STRA8: variants seen among roughly 807,000 people sequenced by gnomAD.
STRA8 encodes stimulated by retinoic acid 8.
STRA8 carries 18 observed loss-of-function variants against 37.1 expected under a neutral mutation model. The ratio of observed to expected loss-of-function variants is 0.48; its 90% CI spans 0.34 to 0.72. The LOEUF is 0.72. STRA8 is among the 30% of genes least tolerant of loss of function. The probability of loss-of-function intolerance (pLI) is 0.01; values close to 1 mark genes in which losing one functional copy is unlikely to be tolerated. For missense variants in STRA8, 357 were observed against 410.4 expected (o/e 0.87, Z 1.13); for synonymous variants, 168 against 162.9 (o/e 1.03, Z -0.24).
rs749247229 is a variant in STRA8, at chr7:135,255,252, C to T, written c.1065+27C>T. The T allele has an allele frequency of 2.6e-6, 4 of 1,554,352 alleles. No homozygotes were observed. The East Asian group carries it at 6.7e-5, about 26-fold the overall frequency. ...TAGGATGGAGTAGAGGGCCGTGGTA[C>T]CTCTGCCCACCTTGCTTAGATAGCA... On this transcript the variant is annotated intron_variant, in intron 8 of 8. Coordinates refer to ENST00000662584, the MANE Select transcript of STRA8 (RefSeq NM_001394401.1).
chr7:135,233,581 G>C (rs767096334), upstream of STRA8, among the ~76,000 whole-genome samples: 2 of 152,076 alleles, frequency 1.3e-5, no homozygotes, highest in African/African-American at 4.8e-5. Context: ...GCTGATTACT[G>C]ACGCGAGGGT....
chr7:135,240,109 C>T (rs1832438067), intron 1 of STRA8, among the ~76,000 whole-genome samples: 1 of 152,082 alleles, frequency 6.6e-6, no homozygotes, highest in African/African-American at 2.4e-5. Context: ...CTCTCCTTGG[C>T]CACGCGTAAA....
At chr7:135,242,086 AAAGG>A (rs1832473789) in intron 2 of STRA8, among the ~76,000 whole-genome samples, 1 of 144,572 alleles carries the variant, frequency 6.9e-6, no homozygotes, top group Non-Finnish European at 1.5e-5. Context: ...GGAAGGAAGG[AAAGG>A]AAGGGAGGGA....
intron 1 of STRA8, among the ~76,000 whole-genome samples, chr7:135,235,917 C>T (rs1385189424): frequency 1.3e-5 from 2 of 151,792 alleles, no homozygotes; most frequent in African/African-American, 2.4e-5. Context: ...AAGACCAACC[C>T]GGGCAACATA....
chr7:135,257,957 C>T (rs1384452054), intron 8 of STRA8, among the ~76,000 whole-genome samples: 1 of 152,218 alleles, frequency 6.6e-6, no homozygotes, highest in Non-Finnish European at 1.5e-5. Flanking sequence ...TAGTAGTAGC[C>T]TACGGTACAC....
In STRA8 at chr7:135,255,227, T is replaced by C; in HGVS notation, c.1065+2T>C. 2 of 1,610,168 alleles carry C rather than the reference T, an allele frequency of 1.2e-6. No individual in the cohort carries two copies. The highest frequency in any genetic ancestry group is 1.7e-6 in the Non-Finnish European group (2 of 1,176,522). ...TGTGCAAACACTCAAGTAAAGCAGG[T>C]AGGATGGAGTAGAGGGCCGTGGTAC... On this transcript the variant is annotated splice_donor_variant, in intron 8 of 8. Transcript: ENST00000662584. LOFTEE classifies it high-confidence loss of function.
chr7:135,255,016 G>C, intron 7 of STRA8, 98 bp from the exon 8 acceptor site: 2 of 950,284 alleles, frequency 2.1e-6, no homozygotes, highest in Non-Finnish European at 3.4e-6. Context: ...CATGTGCTTG[G>C]TTCATACTGT....
At chr7:135,238,109 G>A (rs1314771820) in intron 1 of STRA8, among the ~76,000 whole-genome samples, 2 of 152,196 alleles carry the variant, frequency 1.3e-5, no homozygotes, top group Non-Finnish European at 2.9e-5. Flanking sequence ...CTAATTAAGA[G>A]TAACATCTCC....
At chr7:135,255,964 C>T (rs374692404) in intron 8 of STRA8, among the ~76,000 whole-genome samples, 1 of 152,218 alleles carries the variant, frequency 6.6e-6, no homozygotes, top group Non-Finnish European at 1.5e-5. Flanking sequence ...TTGCTGTCAG[C>T]TTTTGAAGGA....
chr7:135,245,623 G>A (rs1450153918), intron 5 of STRA8, among the ~76,000 whole-genome samples, 96 bp downstream of exon 5: 1 of 152,160 alleles, frequency 6.6e-6, no homozygotes, highest in Non-Finnish European at 1.5e-5. Context: ...CTGCAGCTGT[G>A]TGCCCCAGCT....
chr7:135,257,212 T>C (rs1832715208), intron 8 of STRA8, among the ~76,000 whole-genome samples: 1 of 152,212 alleles, frequency 6.6e-6, no homozygotes, highest in South Asian at 2.1e-4. Context: ...ATTCATTAGA[T>C]GGTTGACTGG....
intron 6 of STRA8, among the ~76,000 whole-genome samples, chr7:135,250,322 A>G (rs1832619157): frequency 1.3e-5 from 2 of 152,110 alleles, no homozygotes; most frequent in Admixed American, 6.5e-5. Context: ...TTGCTTAAGG[A>G]CAGGGATTTC....
intron 4 of STRA8, 64 bp from the exon 5 acceptor site, chr7:135,245,224 T>C (rs748156917): frequency 3.9e-6 from 3 of 778,928 alleles, no homozygotes; most frequent in Non-Finnish European, 7.2e-6. Flanking sequence ...TTGCTAAGAA[T>C]TTCTTGTCCA....
intron 7 of STRA8, 144 bp downstream of exon 7, chr7:135,252,013 AGTGTGTGTGT>A (rs59621186): frequency 7.8e-4 from 396 of 505,384 alleles, no homozygotes; most frequent in Admixed American, 1.4e-3. Flanking sequence ...AGAGAGAGAG[AGTGTGTGTGT>A]GTGTGTGTGT....
chr7:135,245,694 G>C (rs1025325771), intron 5 of STRA8, among the ~76,000 whole-genome samples, 167 bp downstream of exon 5: 1 of 152,140 alleles, frequency 6.6e-6, no homozygotes, highest in Non-Finnish European at 1.5e-5. Flanking sequence ...CATATGGGAG[G>C]GGCTGAGGGA....
chr7:135,254,763 G>A (rs974938727), intron 7 of STRA8, among the ~76,000 whole-genome samples: 6 of 152,178 alleles, frequency 3.9e-5, no homozygotes, highest in African/African-American at 1.2e-4. Flanking sequence ...CAAGATGTGC[G>A]GCGTGCTCCA....
Position 135,237,908 on chromosome 7 carries a change from CA to C in STRA8, c.-6-2601del, listed in dbSNP as rs373350980. ...CTCCATCTCAAAACAAAAAACAAAA[CA>C]AAAAAAAAAGAGCTCAGTCTAACAA... On this transcript the variant is annotated intron_variant, in intron 1 of 8. Coordinates refer to ENST00000662584, the MANE Select transcript of STRA8 (RefSeq NM_001394401.1). Among the ~76,000 whole-genome samples, 1,145 of 145,272 alleles carry C rather than the reference CA, an allele frequency of 7.9e-3. 9 individuals carry two copies. Among genetic ancestry groups the C allele is most frequent in the South Asian group, 0.03 (139 of 4,582 alleles).
intron 4 of STRA8, among the ~76,000 whole-genome samples, chr7:135,243,617 A>G (rs1443711257): frequency 6.6e-6 from 1 of 152,274 alleles, no homozygotes; most frequent in Admixed American, 6.5e-5. Context: ...ATAAAAAGAT[A>G]CATGCTTATC....
intron 6 of STRA8, among the ~76,000 whole-genome samples, chr7:135,247,871 C>T (rs755332496): frequency 2.0e-5 from 3 of 152,248 alleles, no homozygotes; most frequent in East Asian, 1.9e-4. Context: ...AGTATGAGGA[C>T]GGCCTCAGAA....
Sources: gnomAD v4.1 joint callset for allele counts (sites outside exome capture counted in the v4.1 genomes callset) on GRCh38, gnomAD v4.1.1 for gene constraint, MANE v1.5 for transcripts, NCBI Gene and HGNC (gene_info 2026-07-23, HGNC 2026-07-21) for gene names.